PXDNL: variants seen among roughly 807,000 people sequenced by gnomAD.
PXDNL encodes the protein probable oxidoreductase PXDNL.
A neutral mutation model predicts 150.8 loss-of-function variants in PXDNL; 145 were observed. That is an observed-to-expected ratio of 0.96 (90% CI 0.84 to 1.10). The LOEUF (loss-of-function observed/expected upper bound fraction) is 1.10, where lower values mean the gene tolerates loss of function less well. PXDNL is among the 50% of genes least tolerant of loss of function. PXDNL has a pLI of 0.00. For missense variants in PXDNL, 2,087 were observed against 1,873.9 expected, an observed-to-expected ratio of 1.11 and a Z score of -2.10; for synonymous variants, 757 against 725.7, an observed-to-expected ratio of 1.04 and a Z score of -0.69.
At chr8:51,695,716 G>A (rs1023426382) in intron 1 of PXDNL, among the ~76,000 whole-genome samples, 1 of 152,108 alleles carries the variant, frequency 6.6e-6, no homozygotes, top group Non-Finnish European at 1.5e-5. Flanking sequence ...CAACTTGTTC[G>A]TTATTTTAAG....
chr8:51,439,820 A>C (rs1809496172), intron 12 of PXDNL, among the ~76,000 whole-genome samples: 2 of 87,828 alleles, frequency 2.3e-5, no homozygotes, highest in Admixed American at 3.0e-4. Context: ...GTCAGACTCC[A>C]TCTCAAAAAA....
chr8:51,356,025 T>C (rs16916051), intron 19 of PXDNL, among the ~76,000 whole-genome samples: 3,759 of 152,306 alleles, frequency 0.025, 156 homozygotes, highest in African/African-American at 0.083. Flanking sequence ...GGAAAACAAA[T>C]GGACTTGGCA....
chr8:51,735,824 G>A (rs534245130), intron 1 of PXDNL, among the ~76,000 whole-genome samples: 7 of 152,108 alleles, frequency 4.6e-5, no homozygotes, highest in Admixed American at 1.3e-4. Flanking sequence ...GGGATTACAG[G>A]CGTGAGCCAC....
At chr8:51,789,302 T>C (rs2037489476) in intron 1 of PXDNL, among the ~76,000 whole-genome samples, 1 of 152,140 alleles carries the variant, frequency 6.6e-6, no homozygotes, top group Non-Finnish European at 1.5e-5. Context: ...TAGAAAAGAT[T>C]TGTCCTCAGA....
chr8:51,485,473 CAA>C (rs1810708438), intron 5 of PXDNL, among the ~76,000 whole-genome samples: 1 of 152,174 alleles, frequency 6.6e-6, no homozygotes, highest in African/African-American at 2.4e-5. Context: ...CCGATTTTAG[CAA>C]GAACCCTGCT....
chr8:51,555,860 C>T (rs4336603), intron 4 of PXDNL, among the ~76,000 whole-genome samples: 55,330 of 151,988 alleles, frequency 0.36, 11,671 homozygotes, highest in African/African-American at 0.58. Flanking sequence ...ACAATATGAC[C>T]TTTTGATATT....
At chr8:51,453,399 A>C in intron 10 of PXDNL, 120 bp downstream of exon 10, 2 of 1,136,824 alleles carry the variant, frequency 1.8e-6, no homozygotes, top group Non-Finnish European at 1.2e-6. Context: ...TATTGTGTCA[A>C]AAAATAATTG....
At chr8:51,575,043 A>G (rs1450048447) in intron 3 of PXDNL, among the ~76,000 whole-genome samples, 1 of 152,090 alleles carries the variant, frequency 6.6e-6, no homozygotes, top group African/African-American at 2.4e-5. Context: ...ATGGTTGATA[A>G]CTGAATAAAA....
intron 1 of PXDNL, among the ~76,000 whole-genome samples, chr8:51,805,320 T>C (rs1324230383): frequency 6.7e-6 from 1 of 149,038 alleles, no homozygotes; most frequent in African/African-American, 2.4e-5. Context: ...TATACATATA[T>C]ATATTTTAAA....
At chr8:51,498,743 C>G (rs1396506125) in intron 5 of PXDNL, among the ~76,000 whole-genome samples, 1 of 152,214 alleles carries the variant, frequency 6.6e-6, no homozygotes, top group East Asian at 1.9e-4. Context: ...AATGGCCTCT[C>G]TCCTACTAAA....
intron 1 of PXDNL, among the ~76,000 whole-genome samples, chr8:51,802,506 G>C (rs1416628919): frequency 6.6e-6 from 1 of 152,148 alleles, no homozygotes; most frequent in Non-Finnish European, 1.5e-5. Context: ...GCTATTGTTA[G>C]TGTTAGTGTA....
chr8:51,637,075 C>G (rs1814620394), intron 2 of PXDNL, among the ~76,000 whole-genome samples: 1 of 152,144 alleles, frequency 6.6e-6, no homozygotes, highest in Non-Finnish European at 1.5e-5. Flanking sequence ...AATTCCCAGG[C>G]AAACAGGGTC....
rs762151954 is a variant in PXDNL, at chr8:51,345,859, A to G, written c.3990T>C (p.Asp1330=). 3.7e-6 allele frequency: 6 copies of G among 1,612,260 alleles called. No individual in the cohort carries two copies. The highest frequency in any genetic ancestry group is 5.1e-6 in the Non-Finnish European group (6 of 1,178,296). The change falls in exon 20 of 23, where the codon GAT becomes GAC. Residue 1330 remains aspartate, a synonymous_variant. Coordinates refer to ENST00000356297, the MANE Select transcript of PXDNL (RefSeq NM_144651.5). The part of the protein sequence containing the change: ...SAQYSYPVDK[D]MELSHLRSRQ... ...TACTTCTTAGATGACTTAACTCCAT[A>G]TCCTTATCAACAGGATAGCTGTATT...
chr8:51,632,359 G>C (rs1814509243), intron 2 of PXDNL, among the ~76,000 whole-genome samples: 1 of 152,142 alleles, frequency 6.6e-6, no homozygotes, highest in Admixed American at 6.6e-5. Context: ...CCAGCACTTT[G>C]GGAAGCTGAG....
At chr8:51,709,403 G>A (rs560937158) in intron 1 of PXDNL, among the ~76,000 whole-genome samples, 6 of 151,806 alleles carry the variant, frequency 4.0e-5, no homozygotes, top group Admixed American at 6.6e-5. Context: ...TACAGGTGCC[G>A]GCCACCACGC....
At chr8:51,577,457 T>C (rs1445992138) in intron 3 of PXDNL, among the ~76,000 whole-genome samples, 1 of 150,600 alleles carries the variant, frequency 6.6e-6, no homozygotes, top group East Asian at 2.0e-4. Context: ...TATTTATTAC[T>C]TTGAAAAGAT....
At position 51,494,658 on chromosome 8, in the gene PXDNL, C is replaced by A. The variant is rs534670226; in HGVS notation, c.452+5041G>T. Among the ~76,000 whole-genome samples, 867 of 152,080 alleles carry A rather than the reference C, an allele frequency of 5.7e-3. 11 individuals are homozygous for A. The highest frequency in any genetic ancestry group is 0.02 in the African/African-American group (829 of 41,480). On this transcript the variant is annotated intron_variant, in intron 5 of 22. Transcript: ENST00000356297. ...GTCTATGATAAAACAGACTTTAAAC[C>A]AACAAAGATCAAAAGAGACAAAGAA... is the stretch of plus-strand genomic sequence containing the variant.
chr8:51,355,703 G>C (rs1806486057), intron 19 of PXDNL, among the ~76,000 whole-genome samples: 1 of 152,184 alleles, frequency 6.6e-6, no homozygotes, highest in African/African-American at 2.4e-5. Flanking sequence ...ACAAACAAAT[G>C]TGTCAATTGT....
intron 7 of PXDNL, among the ~76,000 whole-genome samples, chr8:51,472,703 T>A (rs1810375541): frequency 1.3e-5 from 2 of 152,182 alleles, no homozygotes; most frequent in Non-Finnish European, 2.9e-5. Flanking sequence ...AACCACCCAC[T>A]TTACACAATT....
Sources: gnomAD v4.1 joint callset for allele counts (sites outside exome capture counted in the v4.1 genomes callset) on GRCh38, gnomAD v4.1.1 for gene constraint, MANE v1.5 for transcripts, NCBI Gene and HGNC (gene_info 2026-07-23, HGNC 2026-07-21) for gene names.